Variants in THSD7A observed in about 807,000 individuals in gnomAD.
THSD7A encodes thrombospondin type-1 domain-containing protein 7A.
Under a neutral mutation model 231.3 loss-of-function variants are expected in THSD7A, and 96 were observed. The observed-to-expected ratio is 0.41, with a 90% CI of 0.35 to 0.49. The LOEUF is 0.49. THSD7A is among the 20% of genes least tolerant of loss of function. The pLI is 0.05. For missense variants in THSD7A, 2,290 were observed against 2,070.2 expected (o/e 1.11, Z -2.06); for synonymous variants, 940 against 743.3 (o/e 1.26, Z -4.30).
chr7:11,778,682 G>C (rs1783525255), intron 1 of THSD7A, among the ~76,000 whole-genome samples: 1 of 151,978 alleles, frequency 6.6e-6, no homozygotes, highest in African/African-American at 2.4e-5. Context: ...TTCAACTTAG[G>C]ACAATTAAAA....
chr7:11,433,630 T>A (rs2128291145), intron 13 of THSD7A, among the ~76,000 whole-genome samples: 1 of 152,166 alleles, frequency 6.6e-6, no homozygotes, highest in South Asian at 2.1e-4. Flanking sequence ...CCCACCTTGA[T>A]AAACTGCAAA....
chr7:11,673,895 C>T (rs1471291193), intron 1 of THSD7A, among the ~76,000 whole-genome samples: 3 of 152,052 alleles, frequency 2.0e-5, no homozygotes, highest in African/African-American at 7.2e-5. Flanking sequence ...GCTGAGCAGC[C>T]TCCATGGATA....
At chr7:11,431,425 G>A (rs2115430251) in intron 13 of THSD7A, among the ~76,000 whole-genome samples, 1 of 152,228 alleles carries the variant, frequency 6.6e-6, no homozygotes, top group Admixed American at 6.5e-5. Flanking sequence ...TGGTTATTGA[G>A]TTATCCTGTC....
chr7:11,500,728 G>T (rs1382900784), intron 6 of THSD7A, among the ~76,000 whole-genome samples: 1 of 151,840 alleles, frequency 6.6e-6, no homozygotes, highest in Non-Finnish European at 1.5e-5. Context: ...TCACGAGGTA[G>T]GTTCAAGATC....
chr7:11,578,087 T>G (rs1790996821), intron 4 of THSD7A, among the ~76,000 whole-genome samples: 1 of 152,220 alleles, frequency 6.6e-6, no homozygotes, highest in Non-Finnish European at 1.5e-5. Context: ...GAGACAGTAT[T>G]ATTTGCTCTC....
chr7:11,712,256 G>A (rs1222768620), intron 1 of THSD7A, among the ~76,000 whole-genome samples: 1 of 151,000 alleles, frequency 6.6e-6, no homozygotes, highest in Non-Finnish European at 1.5e-5. Flanking sequence ...GTGATGGGCT[G>A]ATCCTGTGTA....
intron 6 of THSD7A, among the ~76,000 whole-genome samples, chr7:11,482,697 A>G (rs1181960081): frequency 6.6e-6 from 1 of 152,200 alleles, no homozygotes; most frequent in Non-Finnish European, 1.5e-5. Flanking sequence ...CAGATTTTTC[A>G]AGTTTACAAG....
chr7:11,706,629 G>GTTTTTTTTTTTTTTTT (rs1780775506), intron 1 of THSD7A, among the ~76,000 whole-genome samples: 5 of 54,394 alleles, frequency 9.2e-5, no homozygotes, highest in Non-Finnish European at 1.5e-4. Context: ...TTAACAAGGT[G>GTTTTTTTTTTTTTTTT]CTTTTTTTTT....
chr7:11,456,019 T>G (rs564426711), intron 11 of THSD7A, among the ~76,000 whole-genome samples: 1 of 152,146 alleles, frequency 6.6e-6, no homozygotes, highest in African/African-American at 2.4e-5. Flanking sequence ...CTAGGAGGCA[T>G]GGCTAGTAAG....
At chr7:11,453,173 G>A (rs1785198322) in intron 11 of THSD7A, among the ~76,000 whole-genome samples, 1 of 151,850 alleles carries the variant, frequency 6.6e-6, no homozygotes, top group African/African-American at 2.4e-5. Flanking sequence ...TCAGCAAAGG[G>A]TGAAGCAAGG....
rs1239952231 is a variant in THSD7A at position 11,406,060 on chromosome 7, A to C, written c.4237+240T>G. On this transcript the variant is annotated intron_variant, in intron 22 of 27. Coordinates refer to ENST00000423059, the MANE Select transcript of THSD7A (RefSeq NM_015204.3). This position sits in a 1 kb window ranked among gnomAD's most constrained non-coding sequence, Gnocchi z 4.7. ...TAAGGCCTTAAATACCATCTCCTGC[A>C]GATGTTAAAACTCCAGAGGGTGTTG... Among the ~76,000 whole-genome samples the C allele has an allele frequency of 1.3e-5, 2 of 152,154 alleles. No individual in the cohort carries two copies. The highest frequency in any genetic ancestry group is 2.9e-5 in the Non-Finnish European group (2 of 68,028).
intron 2 of THSD7A, among the ~76,000 whole-genome samples, chr7:11,600,206 T>C (rs1284065723): frequency 6.6e-6 from 1 of 152,104 alleles, no homozygotes. Context: ...AAAAAATTAA[T>C]ATGTGCCTAA....
At position 11,765,808 on chromosome 7, in the gene THSD7A, A is replaced by G. The variant is rs1783013122; in HGVS notation, c.190+65949T>C. Among the ~76,000 whole-genome samples the G allele has an allele frequency of 1.3e-5, 2 of 152,088 alleles. 1 individual carries two copies. The highest frequency in any genetic ancestry group is 4.1e-4 in the South Asian group (2 of 4,834). On this transcript the variant is annotated intron_variant, in intron 1 of 27. Coordinates refer to ENST00000423059, the MANE Select transcript of THSD7A (RefSeq NM_015204.3). The stretch of plus-strand genomic sequence containing the variant: ...CCATTGCAGCCTGTACATACCCTGA[A>G]CATGTACAGCACTATCAGAAAATAA...
chr7:11,476,866 C>T (rs1019051687), intron 7 of THSD7A, among the ~76,000 whole-genome samples: 2 of 151,018 alleles, frequency 1.3e-5, no homozygotes, highest in Admixed American at 1.3e-4. Flanking sequence ...TATACAAATT[C>T]ATTTTCATGT....
At chr7:11,745,349 A>T (rs545788512) in intron 1 of THSD7A, among the ~76,000 whole-genome samples, 82 of 151,886 alleles carry the variant, frequency 5.4e-4, no homozygotes, top group Admixed American at 2.1e-3. Context: ...ATTAGCCCTT[A>T]GTCAGATGAG....
chr7:11,805,550 T>A (rs1784377560), intron 1 of THSD7A, among the ~76,000 whole-genome samples: 1 of 152,122 alleles, frequency 6.6e-6, no homozygotes, highest in Non-Finnish European at 1.5e-5. Flanking sequence ...TCTTTCACAC[T>A]TCTCTAAAGC....
intron 6 of THSD7A, among the ~76,000 whole-genome samples, chr7:11,540,613 T>C (rs976708301): frequency 2.0e-5 from 3 of 152,198 alleles, no homozygotes; most frequent in African/African-American, 7.2e-5. Context: ...GAGATGATCT[T>C]GTCCAGAGGT....
At chr7:11,679,667 T>A (rs1189293049) in intron 1 of THSD7A, among the ~76,000 whole-genome samples, 1 of 152,078 alleles carries the variant, frequency 6.6e-6, no homozygotes, top group African/African-American at 2.4e-5. Context: ...CAAGGAGAAC[T>A]ACAAAGCACT....
intron 1 of THSD7A, among the ~76,000 whole-genome samples, chr7:11,781,536 A>G (rs1783632551): frequency 6.6e-6 from 1 of 152,128 alleles, no homozygotes; most frequent in Non-Finnish European, 1.5e-5. Context: ...TAAAAATCCT[A>G]TTTAATAACT....
Sources: gnomAD v4.1 joint callset for allele counts (sites outside exome capture counted in the v4.1 genomes callset) on GRCh38, gnomAD v4.1.1 for gene constraint, Gnocchi (gnomAD v3.1) non-coding constraint, MANE v1.5 for transcripts, NCBI Gene and HGNC (gene_info 2026-07-23, HGNC 2026-07-21) for gene names.